TMEM268: variants seen among roughly 807,000 people sequenced by gnomAD.
TMEM268 encodes the protein transmembrane protein C9orf91.
Under a neutral mutation model 39.1 loss-of-function variants are expected in TMEM268, and 24 were observed. That is an observed-to-expected ratio of 0.61 (90% CI 0.44 to 0.86). TMEM268 has a LOEUF of 0.86. Ranked by LOEUF, TMEM268 falls within the 40% of genes least tolerant of loss-of-function variation. The pLI is 0.00. For synonymous variants in TMEM268, 176 were observed against 173.5 expected (o/e 1.01, Z -0.12); for missense variants, 409 against 428.6 (o/e 0.95, Z 0.40).
At chr9:114,618,834 G>A (rs1199426323) in intron 2 of TMEM268, among the ~76,000 whole-genome samples, 7 of 152,124 alleles carry the variant, frequency 4.6e-5, no homozygotes, top group African/African-American at 1.7e-4. Context: ...ATAAAGTGTT[G>A]AAGTCTGGCT....
At position 114,645,821 on chromosome 9, in the gene TMEM268, A is replaced by G. The variant is rs2418315; in HGVS notation, c.*2508A>G. The G allele has an allele frequency of 0.13, 19,523 of 152,224 alleles. 1,429 individuals carry two copies. The highest frequency in any genetic ancestry group is 0.24 in the Middle Eastern group (72 of 294). The allele number at this position is 152,224 out of a possible 1,614,324, so 9.4% of individuals were successfully genotyped here. A position where few individuals can be genotyped will look rare whatever the true frequency, so the allele number is the denominator to read the frequency against. On this transcript the variant is annotated 3_prime_UTR_variant, in exon 9 of 9. Coordinates refer to ENST00000288502, the MANE Select transcript of TMEM268 (RefSeq NM_153045.4). ...GGCTTTCAGGGTATGCCCACAATGT[A>G]CATTTCTCGGCATCTGTGCCTCAGT... is the stretch of plus-strand genomic sequence containing the variant.
chr9:114,634,950 G>A (rs906365335), intron 6 of TMEM268, among the ~76,000 whole-genome samples: 3 of 152,172 alleles, frequency 2.0e-5, no homozygotes, highest in East Asian at 1.9e-4. Flanking sequence ...TGGAATGTGG[G>A]GGTCCTTTTT....
intron 1 of TMEM268, among the ~76,000 whole-genome samples, chr9:114,613,675 G>C (rs1394793845): frequency 6.6e-6 from 1 of 152,230 alleles, no homozygotes; most frequent in Non-Finnish European, 1.5e-5. Flanking sequence ...CCCCAGAGTA[G>C]CATCTCAGGG....
intron 2 of TMEM268, among the ~76,000 whole-genome samples, chr9:114,618,910 T>C (rs1236213203): frequency 4.6e-5 from 7 of 152,184 alleles, no homozygotes; most frequent in Admixed American, 4.6e-4. Flanking sequence ...GTATCTATAG[T>C]ACCTAGCACA....
At chr9:114,633,077 C>A (rs971492469) in intron 5 of TMEM268, among the ~76,000 whole-genome samples, 1 of 152,148 alleles carries the variant, frequency 6.6e-6, no homozygotes, top group Non-Finnish European at 1.5e-5. Flanking sequence ...CTTACTATAA[C>A]CTCACACTCC....
chr9:114,628,297 GC>G, intron 5 of TMEM268, 47 bp downstream of exon 5: 1 of 1,588,574 alleles, frequency 6.3e-7, no homozygotes. Context: ...GAAGAGCGGT[GC>G]AGGCGTGAGA....
At chr9:114,625,657 G>C (rs145106454) in intron 3 of TMEM268, among the ~76,000 whole-genome samples, 2,844 of 151,784 alleles carry the variant, frequency 0.019, 42 homozygotes, top group Middle Eastern at 0.037. Context: ...TGGCCAGGCT[G>C]GTCTCGAACT....
intron 5 of TMEM268, 121 bp downstream of exon 5, chr9:114,628,371 C>T: frequency 9.2e-7 from 1 of 1,088,888 alleles, no homozygotes; most frequent in Non-Finnish European, 1.3e-6. Context: ...TCACACTAGC[C>T]CGTAAGCCCA....
chr9:114,616,078 C>T (rs867225300), intron 1 of TMEM268, among the ~76,000 whole-genome samples: 47 of 146,052 alleles, frequency 3.2e-4, no homozygotes, highest in Non-Finnish European at 5.7e-4. Context: ...TGCAGTGGCG[C>T]GATCTCTGCT....
intron 5 of TMEM268, among the ~76,000 whole-genome samples, chr9:114,632,591 G>A (rs1846448760): frequency 6.6e-6 from 1 of 152,162 alleles, no homozygotes; most frequent in Non-Finnish European, 1.5e-5. Context: ...GAGAGCAGGA[G>A]GCTGATTCCC....
At chr9:114,626,061 G>A (rs980572503) in intron 3 of TMEM268, among the ~76,000 whole-genome samples, 1 of 152,006 alleles carries the variant, frequency 6.6e-6, no homozygotes, top group Non-Finnish European at 1.5e-5. Flanking sequence ...TCCTGATCTC[G>A]TGATCCGCCC....
At chr9:114,620,705 C>A (rs1420819882) in intron 2 of TMEM268, among the ~76,000 whole-genome samples, 1 of 152,030 alleles carries the variant, frequency 6.6e-6, no homozygotes, top group East Asian at 1.9e-4. Flanking sequence ...TATTTTGTAC[C>A]CATCTTGTGC....
chr9:114,639,767 C>G (rs1050085751), intron 8 of TMEM268, among the ~76,000 whole-genome samples: 1 of 150,424 alleles, frequency 6.6e-6, no homozygotes, highest in African/African-American at 2.4e-5. Context: ...TGCCTGTAAT[C>G]CCAGCACTTT....
chr9:114,609,738 G>A (rs1050263869), upstream of TMEM268, among the ~76,000 whole-genome samples: 2,600 of 78,966 alleles, frequency 0.033, 54 homozygotes, highest in African/African-American at 0.083. Context: ...AAAGAAGGAA[G>A]GAAGGAAAGA....
chr9:114,611,238 G>A (rs1478034859), upstream of TMEM268: 2 of 152,228 alleles, frequency 1.3e-5, no homozygotes, highest in African/African-American at 2.4e-5. Context: ...TGCCGTGCAC[G>A]TGGTCGGCTC....
Position 114,643,245 on chromosome 9 carries a change from C to T in TMEM268, c.961C>T (p.Pro321Ser), listed in dbSNP as rs1418847070. 6.2e-7 allele frequency: 1 copy of T among 1,614,080 alleles called. No homozygotes were observed. The highest frequency in any genetic ancestry group is 8.5e-7 in the Non-Finnish European group (1 of 1,180,030). The change falls in exon 9 of 9, where the codon CCA becomes TCA. Residue 321 changes from proline to serine, a missense_variant. Physicochemically the swap from Pro to Ser is moderately conservative, Grantham distance 74. Coordinates refer to ENST00000288502, the MANE Select transcript of TMEM268 (RefSeq NM_153045.4). ...GTRHTNSPRI[P>S]CPCQLIEAYI... Reference sequence around the variant, plus strand: ...ACGACACACGAACTCTCCGAGAATTCCATGCCCCTGCCAGCTCATAGAAGC... The same window carrying T: ...ACGACACACGAACTCTCCGAGAATTTCATGCCCCTGCCAGCTCATAGAAGC...
In TMEM268 at chr9:114,643,155, G is replaced by T. The variant is rs1245178933; in HGVS notation, c.871G>T (p.Ala291Ser). Residue 291 changes from alanine to serine, a missense_variant, in exon 9 of 9, where the codon GCA (alanine) becomes TCA (serine). Physicochemically the swap from Ala to Ser is moderately conservative, Grantham distance 99 (BLOSUM62 1). Transcript: ENST00000288502. ...CTAGGAAATGGCCCGCCAGCTGCTG[G>T]CAGTGTTTGGCGGCTACTACATCCG... is the stretch of plus-strand genomic sequence containing the variant. ...EPEEMARQLL[A>S]VFGGYYIRLL... 6.2e-7 allele frequency: 1 copy of T among 1,614,142 alleles called. No homozygotes were observed. The highest frequency in any genetic ancestry group is 1.1e-5 in the South Asian group (1 of 91,080).
chr9:114,645,983 A>T lies in TMEM268; in HGVS notation c.*2670A>T, dbSNP rs1440750906. ...TTTTATTTATTTTTTTTTAAATGTAATTTTTTCAGAGAGATAAGGTCTTGC... is the reference window on the plus strand; with the variant it reads ...TTTTATTTATTTTTTTTTAAATGTATTTTTTTCAGAGAGATAAGGTCTTGC... On this transcript the variant is annotated 3_prime_UTR_variant, in exon 9 of 9. Transcript: ENST00000288502. The T allele has an allele frequency of 2.0e-5, 3 of 151,500 alleles. No individual in the cohort carries two copies. In the East Asian group the frequency reaches 5.8e-4, roughly 29 times the overall value. The allele number at this position is 151,500 out of a possible 1,614,324, so 9.4% of individuals were successfully genotyped here.
At chr9:114,618,025 C>T (rs1384840657) in intron 2 of TMEM268, among the ~76,000 whole-genome samples, 1 of 151,928 alleles carries the variant, frequency 6.6e-6, no homozygotes, top group Admixed American at 6.6e-5. Context: ...TACAGGTACC[C>T]ACCACCACGC....
Sources: gnomAD v4.1 joint callset for allele counts (sites outside exome capture counted in the v4.1 genomes callset) on GRCh38, gnomAD v4.1.1 for gene constraint, MANE v1.5 for transcripts, NCBI Gene and HGNC (gene_info 2026-07-23, HGNC 2026-07-21) for gene names.